APP: variants seen among roughly 807,000 people sequenced by gnomAD.
The protein encoded by APP is amyloid-beta precursor protein.
APP carries 31 observed loss-of-function variants against 101.4 expected under a neutral mutation model. The ratio of observed to expected loss-of-function variants is 0.31; its 90% confidence interval spans 0.23 to 0.41. The LOEUF is 0.41. Among genes scored for constraint, APP ranks in the 10% least tolerant of loss-of-function variants. The pLI, the probability that APP is intolerant of heterozygous loss-of-function variation, is 1.00. For synonymous variants in APP, 366 were observed against 364.4 expected, an observed-to-expected ratio of 1.00 and a Z score of -0.05; for missense variants, 839 against 1,003.7, an observed-to-expected ratio of 0.84 and a Z score of 2.22.
chr21:25,909,389 G>C (rs1363681034), intron 14 of APP, among the ~76,000 whole-genome samples: 1 of 151,976 alleles, frequency 6.6e-6, no homozygotes, highest in Non-Finnish European at 1.5e-5. Context: ...CTCTGACACT[G>C]CAAGTTCTAT....
chr21:26,141,017 T>C (rs954708151), intron 1 of APP, among the ~76,000 whole-genome samples: 4 of 152,210 alleles, frequency 2.6e-5, no homozygotes, highest in African/African-American at 9.6e-5. Context: ...GCCAAAAGGT[T>C]ATGATGTGGG....
intron 16 of APP, among the ~76,000 whole-genome samples, chr21:25,897,256 GTGTTT>G (rs2038122201): frequency 2.0e-5 from 3 of 152,078 alleles, no homozygotes; most frequent in South Asian, 2.1e-4. Flanking sequence ...GGGACTACAG[GTGTTT>G]GCCACCACAC....
chr21:25,938,789 G>A (rs2040455566), intron 13 of APP, among the ~76,000 whole-genome samples: 1 of 152,130 alleles, frequency 6.6e-6, no homozygotes, highest in Admixed American at 6.5e-5. Context: ...ACTGGCTGAT[G>A]GCACAAAAGT....
intron 5 of APP, among the ~76,000 whole-genome samples, chr21:26,027,902 T>A (rs1346194854): frequency 6.6e-6 from 1 of 152,018 alleles, no homozygotes; most frequent in Admixed American, 6.6e-5. Context: ...CTACCAAAAA[T>A]TCATGACTCA....
intron 1 of APP, among the ~76,000 whole-genome samples, chr21:26,145,768 G>GT (rs1386831664): frequency 1.3e-5 from 2 of 151,830 alleles, no homozygotes; most frequent in East Asian, 3.9e-4. Context: ...TAAATTTTCT[G>GT]TTTTTTATAT....
chr21:26,117,688 C>A (rs8133264), intron 1 of APP, among the ~76,000 whole-genome samples: 5,838 of 151,974 alleles, frequency 0.038, 234 homozygotes, highest in Admixed American at 0.12. Context: ...TGTGTGTGTG[C>A]ATGTATTTGT....
At chr21:25,890,238 A>T (rs2037602588) in intron 17 of APP, among the ~76,000 whole-genome samples, 1 of 152,184 alleles carries the variant, frequency 6.6e-6, no homozygotes, top group South Asian at 2.1e-4. Flanking sequence ...TGGGGAAATG[A>T]GGCTCCACCC....
chr21:25,890,002 G>A (rs943826364), intron 17 of APP, among the ~76,000 whole-genome samples: 2 of 152,188 alleles, frequency 1.3e-5, no homozygotes, highest in African/African-American at 4.8e-5. Flanking sequence ...AAATTAATTT[G>A]AGCAGAAATG....
At chr21:26,170,438 G>T (rs1217990023) in intron 1 of APP, 126 bp downstream of exon 1, 2 of 1,006,582 alleles carry the variant, frequency 2.0e-6, no homozygotes, top group Non-Finnish European at 2.9e-6. Flanking sequence ...AAGCGGGGGC[G>T]GAGAGGAGAG....
At chr21:26,052,162 A>G (rs1418733732) in intron 4 of APP, among the ~76,000 whole-genome samples, 1 of 152,250 alleles carries the variant, frequency 6.6e-6, no homozygotes, top group East Asian at 1.9e-4. Flanking sequence ...CTATAAAGCT[A>G]TGATACAATG....
intron 2 of APP, among the ~76,000 whole-genome samples, chr21:26,103,471 G>C (rs1355271364): frequency 0.013 from 1 of 76 alleles, no homozygotes; most frequent in African/African-American, 0.056. Context: ...GTGGTGGCGT[G>C]CACCTTGTAA....
In APP at chr21:25,881,823, G is replaced by C. The variant is rs961448182; in HGVS notation, c.2212-52C>G. On this transcript the variant is annotated intron_variant, in intron 17 of 17. Coordinates refer to ENST00000346798, the MANE Select transcript of APP (RefSeq NM_000484.4). ...AAAAATAAAAATCAATCTTTTAAGGGTGAACATGGAGAAGCAGTAAAAAGA... is the reference window on the plus strand; with the variant it reads ...AAAAATAAAAATCAATCTTTTAAGGCTGAACATGGAGAAGCAGTAAAAAGA... 3 of 1,543,322 alleles carry C rather than the reference G, an allele frequency of 1.9e-6. No homozygotes were observed. In the African/African-American group the frequency reaches 4.1e-5, roughly 21 times the overall value.
At chr21:25,901,284 C>G (rs1305259130) in intron 15 of APP, among the ~76,000 whole-genome samples, 15 of 86,606 alleles carry the variant, frequency 1.7e-4, no homozygotes, top group Non-Finnish European at 2.7e-4. Context: ...GAAACAGAGA[C>G]AAATCCTGTT....
At chr21:25,964,060 A>T (rs537217851) in intron 11 of APP, among the ~76,000 whole-genome samples, 1 of 152,340 alleles carries the variant, frequency 6.6e-6, no homozygotes, top group South Asian at 2.1e-4. Context: ...ATATTGAACA[A>T]CTAATCTCTA....
At chr21:25,899,846 A>G (rs2146274102) in intron 15 of APP, among the ~76,000 whole-genome samples, 1 of 152,298 alleles carries the variant, frequency 6.6e-6, no homozygotes, top group South Asian at 2.1e-4. Context: ...ATGTTGATCT[A>G]TCTCGGGCTT....
At chr21:26,021,059 T>C (rs938545553) in intron 6 of APP, among the ~76,000 whole-genome samples, 1 of 150,232 alleles carries the variant, frequency 6.7e-6, no homozygotes, top group African/African-American at 2.4e-5. Context: ...TTTTTTTTTT[T>C]TTTTTTTTGA....
chr21:25,970,605 AT>A (rs1331962538), intron 11 of APP, among the ~76,000 whole-genome samples: 1 of 152,176 alleles, frequency 6.6e-6, no homozygotes, highest in African/African-American at 2.4e-5. Context: ...AAGATAGAGA[AT>A]TTTGGCAAAT....
At chr21:25,931,231 T>C (rs114585381) in intron 13 of APP, among the ~76,000 whole-genome samples, 2,951 of 152,256 alleles carry the variant, frequency 0.019, 100 homozygotes, top group African/African-American at 0.068. Context: ...GGGATGTGAC[T>C]AGTGATATTA....
chr21:26,081,239 T>TC (rs1287649267), intron 3 of APP, among the ~76,000 whole-genome samples: 1 of 152,124 alleles, frequency 6.6e-6, no homozygotes, highest in African/African-American at 2.4e-5. Context: ...TTCTCATTCT[T>TC]CCCCATTAAA....
Sources: gnomAD v4.1 joint callset for allele counts (sites outside exome capture counted in the v4.1 genomes callset) on GRCh38, gnomAD v4.1.1 for gene constraint, MANE v1.5 for transcripts, NCBI Gene and HGNC (gene_info 2026-07-23, HGNC 2026-07-21) for gene names.